Variants in ZNF800 observed in about 807,000 individuals in gnomAD.
The protein encoded by ZNF800 is zinc finger protein 800.
ZNF800 carries 13 observed loss-of-function variants against 59.5 expected under a neutral mutation model. That is an observed-to-expected ratio of 0.22 (90% CI 0.14 to 0.35). The LOEUF is 0.35. ZNF800 is among the 10% of genes least tolerant of loss of function. The pLI, the probability that ZNF800 is intolerant of heterozygous loss-of-function variation, is 1.00. For missense variants in ZNF800, 621 were observed against 783.7 expected (o/e 0.79, Z 2.48); for synonymous variants, 266 against 265.7 (o/e 1.00, Z -0.01).
At position 127,392,321 on chromosome 7, in the gene ZNF800, G is replaced by C; in HGVS notation, c.-320C>G. On this transcript the variant is annotated 5_prime_UTR_variant, in exon 1 of 6. Transcript: ENST00000265827. The stretch of plus-strand genomic sequence containing the variant: ...CTCACGGCGTCCTCCGCGCTGTGTG[G>C]CTAGGCGGGAGGCGCGCGGGCGGAG... 1 of 383,758 alleles carries C rather than the reference G, an allele frequency of 2.6e-6. No homozygotes were observed. The highest frequency in any genetic ancestry group is 1.4e-4 in the South Asian group (1 of 7,356). 23.8% of individuals were successfully genotyped at this position (383,758 alleles called of 1,614,324 possible). A position where few individuals can be genotyped will look rare whatever the true frequency, so the allele number is the denominator to read the frequency against.
At chr7:127,384,121 G>GCCAAA (rs1451126400) in intron 3 of ZNF800, among the ~76,000 whole-genome samples, 4 of 150,714 alleles carry the variant, frequency 2.7e-5, no homozygotes, top group African/African-American at 4.9e-5. Context: ...AAGATTTTTG[G>GCCAAA]AATCTTTTTT....
chr7:127,355,618 C>A (rs767121108), intron 1 of ZNF800, among the ~76,000 whole-genome samples: 3 of 151,916 alleles, frequency 2.0e-5, no homozygotes, highest in Non-Finnish European at 4.4e-5. Context: ...AGAATTCAAG[C>A]AAGGAGAGTC....
At chr7:127,383,671 A>G (rs1801040991) in intron 3 of ZNF800, among the ~76,000 whole-genome samples, 1 of 152,236 alleles carries the variant, frequency 6.6e-6, no homozygotes, top group African/African-American at 2.4e-5. Flanking sequence ...ACCACAGTAG[A>G]CATTAGATTA....
At position 127,374,560 on chromosome 7, in the gene ZNF800, T is replaced by A; in HGVS notation, c.776A>T (p.Glu259Val). 6.2e-7 allele frequency: 1 copy of A among 1,614,148 alleles called. No individual in the cohort carries two copies. Among genetic ancestry groups the A allele is most frequent in the Non-Finnish European group, 8.5e-7 (1 of 1,179,994 alleles). Residue 259 changes from glutamate to valine, a missense_variant, in exon 5 of 6, where the codon GAA becomes GTA. Physicochemically the swap from Glu to Val is moderately radical, Grantham distance 121. Around this residue, in one of 7 missense-constraint regions of ZNF800, gnomAD observed 218 missense variants for 230.8 expected, o/e 0.94. Coordinates refer to ENST00000265827, the MANE Select transcript of ZNF800 (RefSeq NM_176814.5). ...TCGTGTTTCAATGTACTTTTTTAGT[T>A]CTTCCATCTTTTTCTTGTGTACTTT... is the stretch of plus-strand genomic sequence containing the variant. The part of the protein sequence containing the change: ...IRKVHKKKME[E>V]LKKYIETRKN...
At chr7:127,345,698 A>C (rs549328727), downstream of ZNF800, among the ~76,000 whole-genome samples, 1 of 152,200 alleles carries the variant, frequency 6.6e-6, no homozygotes, top group Non-Finnish European at 1.5e-5. Context: ...GCCATGGTAA[A>C]GGGGTTTAGA....
At chr7:127,372,127 C>A (rs1346210130) in intron 5 of ZNF800, among the ~76,000 whole-genome samples, 1 of 152,092 alleles carries the variant, frequency 6.6e-6, no homozygotes, top group African/African-American at 2.4e-5. Context: ...AGGGAGTCTA[C>A]TCATTTTATG....
chr7:127,364,996 T>C (rs1168229163), intron 1 of ZNF800, among the ~76,000 whole-genome samples: 3 of 152,156 alleles, frequency 2.0e-5, no homozygotes, highest in African/African-American at 7.2e-5. Flanking sequence ...CAATCAACAA[T>C]TGTGGGCATG....
At chr7:127,390,562 C>T (rs1304505906) in intron 2 of ZNF800, among the ~76,000 whole-genome samples, 2 of 152,164 alleles carry the variant, frequency 1.3e-5, no homozygotes, top group Non-Finnish European at 2.9e-5. Flanking sequence ...ATGAACTCTA[C>T]TGTGATAAAA....
chr7:127,366,879 A>G (rs1246493661), downstream of ZNF800, among the ~76,000 whole-genome samples: 4 of 152,152 alleles, frequency 2.6e-5, no homozygotes, highest in Non-Finnish European at 4.4e-5. Flanking sequence ...TTAGCCCAAC[A>G]GGCAATGAAT....
chr7:127,380,130 G>C (rs1356789263), intron 3 of ZNF800, among the ~76,000 whole-genome samples: 1 of 151,440 alleles, frequency 6.6e-6, no homozygotes. Flanking sequence ...CTTGTTTTTT[G>C]TTGTTGTTTG....
In ZNF800 at chr7:127,386,130, A is replaced by C. The variant is rs1176438793; in HGVS notation, c.87T>G (p.Pro29=). The C allele has an allele frequency of 1.9e-6, 3 of 1,611,440 alleles. No homozygotes were observed. In the African/African-American group the frequency reaches 4.0e-5, roughly 22 times the overall value. Residue 29 remains proline (P), a synonymous_variant, in exon 3 of 6, where the codon CCT becomes CCG. Transcript: ENST00000265827. ...EPVYILEPGD[P]PLLQQPLQTS... ...TCTGTAGTGGTTGCTGTAACAAAGG[A>C]GGATCTCCAGGTTCCAGGATATAAA...
At chr7:127,345,649 G>A (rs1800048422), downstream of ZNF800, among the ~76,000 whole-genome samples, 1 of 152,282 alleles carries the variant, frequency 6.6e-6, no homozygotes, top group Non-Finnish European at 1.5e-5. Context: ...GACGGGGGTG[G>A]AAGGATAAGT....
At chr7:127,379,697 G>T (rs1381801297) in intron 3 of ZNF800, among the ~76,000 whole-genome samples, 1 of 151,974 alleles carries the variant, frequency 6.6e-6, no homozygotes, top group Non-Finnish European at 1.5e-5. Context: ...TTCTTAATTA[G>T]TCCTAATTAT....
chr7:127,348,649 G>T lies in ZNF800; in HGVS notation n.225-606C>A, dbSNP rs976293149. On this transcript the variant is annotated intron_variant and non_coding_transcript_variant, in intron 1 of 1. Coordinates refer to the ZNF800 transcript ENST00000485577. ...CTTACGTGTACATGTGTGTACACAC[G>T]ACACATCACATATGTAATAATGGAC... Among the ~76,000 whole-genome samples the T allele has an allele frequency of 3.3e-5, 5 of 152,210 alleles. No homozygotes were observed. In the East Asian group the frequency reaches 7.7e-4, roughly 23 times the overall value.
At chr7:127,371,872 T>C (rs983254268) in intron 5 of ZNF800, 58 bp from the exon 6 acceptor site, 1 of 716,962 alleles carries the variant, frequency 1.4e-6, no homozygotes, top group African/African-American at 1.8e-5. Flanking sequence ...ACCTAGTTTT[T>C]AAAACTATGC....
At chr7:127,351,581 G>T (rs531141641) in intron 1 of ZNF800, 1 of 152,200 alleles carries the variant, frequency 6.6e-6, no homozygotes, top group Non-Finnish European at 1.5e-5. Flanking sequence ...TTTTGCTGGG[G>T]TGATCAACTG....
chr7:127,379,879 AGAGAGAGAGAGAGG>A (rs1800921703), intron 3 of ZNF800, among the ~76,000 whole-genome samples: 1 of 84,646 alleles, frequency 1.2e-5, no homozygotes, highest in Non-Finnish European at 2.2e-5. Context: ...ACAGAGAGAG[AGAGAGAGAGAGAGG>A]GAGAGAGAGC....
intron 3 of ZNF800, among the ~76,000 whole-genome samples, chr7:127,383,349 G>A (rs1425532989): frequency 6.6e-6 from 1 of 152,186 alleles, no homozygotes; most frequent in Admixed American, 6.5e-5. Context: ...CATTCAACCT[G>A]ATTTATACCC....
At chr7:127,391,043 C>A (rs1801295645) in intron 2 of ZNF800, among the ~76,000 whole-genome samples, 1 of 152,320 alleles carries the variant, frequency 6.6e-6, no homozygotes, top group South Asian at 2.1e-4. Flanking sequence ...GTTCAACAAA[C>A]TTTTAAAACC....
Sources: gnomAD v4.1 joint callset for allele counts (sites outside exome capture counted in the v4.1 genomes callset) on GRCh38, gnomAD v4.1.1 for gene constraint, gnomAD v4.1.1 regional missense constraint, MANE v1.5 for transcripts, NCBI Gene and HGNC (gene_info 2026-07-23, HGNC 2026-07-21) for gene names.